The following STK31 variants were observed in gnomAD, a reference collection of about 807,000 sequenced individuals.
STK31 encodes serine/threonine-protein kinase 31.
In STK31, 89 loss-of-function variants were observed where a neutral mutation model predicts 129.7. That is an observed-to-expected ratio of 0.69 (90% CI 0.58 to 0.82). The LOEUF (loss-of-function observed/expected upper bound fraction) is 0.82, where lower values mean the gene tolerates loss of function less well. Among genes scored for constraint, STK31 ranks in the 40% least tolerant of loss-of-function variants. The pLI is 0.00. For synonymous variants in STK31, 448 were observed against 395.3 expected (o/e 1.13, Z -1.58); for missense variants, 1,187 against 1,176.4 (o/e 1.01, Z -0.13).
At chr7:23,791,044 A>T in intron 22 of STK31, 98 bp downstream of exon 22, 1 of 1,122,926 alleles carries the variant, frequency 8.9e-7, no homozygotes, top group Non-Finnish European at 1.1e-6. Flanking sequence ...AAAAAGCAGC[A>T]GACTTTTAGT....
intron 22 of STK31, among the ~76,000 whole-genome samples, chr7:23,793,763 A>T (rs1365779546): frequency 6.6e-6 from 1 of 152,194 alleles, no homozygotes; most frequent in Non-Finnish European, 1.5e-5. Context: ...TGTACCTAGA[A>T]CTCATATATA....
chr7:23,818,900 C>A (rs1793624848), intron 23 of STK31, among the ~76,000 whole-genome samples: 1 of 152,214 alleles, frequency 6.6e-6, no homozygotes, highest in African/African-American at 2.4e-5. Flanking sequence ...TCTGGGATTA[C>A]AGGTGTGAGC....
At chr7:23,770,211 G>A (rs1438046833) in intron 13 of STK31, among the ~76,000 whole-genome samples, 2 of 152,072 alleles carry the variant, frequency 1.3e-5, no homozygotes, top group East Asian at 3.8e-4. Context: ...CAGTGTCAAG[G>A]TAAAAATTAG....
intron 14 of STK31, 56 bp from the exon 15 acceptor site, chr7:23,772,091 T>C (rs1790232326): frequency 1.5e-6 from 2 of 1,291,276 alleles, no homozygotes; most frequent in African/African-American, 3.0e-5. Context: ...AAATGATCAC[T>C]GTTCAATAAA....
At chr7:23,820,107 GA>G (rs1266359320) in intron 23 of STK31, among the ~76,000 whole-genome samples, 2 of 152,190 alleles carry the variant, frequency 1.3e-5, no homozygotes, top group African/African-American at 2.4e-5. Context: ...TTTCAGCTAT[GA>G]TTTTTTTCCT....
chr7:23,800,781 A>G (rs2128120326), intron 22 of STK31, among the ~76,000 whole-genome samples: 1 of 152,256 alleles, frequency 6.6e-6, no homozygotes, highest in South Asian at 2.1e-4. Context: ...ATATAAATAA[A>G]AATAATATCA....
At chr7:23,762,383 C>T (rs1329565728) in intron 10 of STK31, among the ~76,000 whole-genome samples, 2 of 152,056 alleles carry the variant, frequency 1.3e-5, no homozygotes, top group Admixed American at 6.6e-5. Flanking sequence ...ATATCTTTCA[C>T]ATATGTATTT....
intron 23 of STK31, among the ~76,000 whole-genome samples, chr7:23,819,629 G>C (rs1793681719): frequency 6.6e-6 from 1 of 152,160 alleles, no homozygotes. Flanking sequence ...TGGCCAGGCT[G>C]ATCTTAAACT....
chr7:23,721,955 T>C (rs1416258792), intron 4 of STK31, among the ~76,000 whole-genome samples: 1 of 152,200 alleles, frequency 6.6e-6, no homozygotes, highest in African/African-American at 2.4e-5. Flanking sequence ...CTACACTGTT[T>C]ATTCTAGTTA....
intron 5 of STK31, among the ~76,000 whole-genome samples, chr7:23,727,867 G>C (rs900492806): frequency 2.0e-5 from 3 of 151,770 alleles, no homozygotes; most frequent in African/African-American, 7.3e-5. Context: ...GCCTGCCTCA[G>C]ATCTTAATAA....
chr7:23,788,187 T>A, intron 21 of STK31, 58 bp downstream of exon 21: 1 of 1,446,162 alleles, frequency 6.9e-7, no homozygotes, highest in Non-Finnish European at 9.3e-7. Flanking sequence ...TATTAAGCAG[T>A]AGTTCAGCAC....
intron 22 of STK31, among the ~76,000 whole-genome samples, chr7:23,795,030 C>T (rs942726378): frequency 2.0e-5 from 3 of 152,200 alleles, no homozygotes; most frequent in Non-Finnish European, 2.9e-5. Context: ...AAACTCAAGC[C>T]AGCTGCAGGA....
intron 22 of STK31, among the ~76,000 whole-genome samples, chr7:23,806,901 G>GAAAA (rs34751124): frequency 0.12 from 9,074 of 75,680 alleles, 483 homozygotes; most frequent in Middle Eastern, 0.19. Context: ...CTCCGTCTCA[G>GAAAA]AAAAAAAAAA....
intron 22 of STK31, among the ~76,000 whole-genome samples, chr7:23,791,548 T>G (rs1418149524): frequency 6.6e-6 from 1 of 152,128 alleles, no homozygotes; most frequent in Non-Finnish European, 1.5e-5. Flanking sequence ...AAATTATCTG[T>G]ACACCAAACT....
chr7:23,795,615 G>A (rs1791904275), intron 22 of STK31, among the ~76,000 whole-genome samples: 1 of 152,216 alleles, frequency 6.6e-6, no homozygotes, highest in South Asian at 2.1e-4. Context: ...TGCCTGGAGA[G>A]GCAACAGACA....
intron 22 of STK31, among the ~76,000 whole-genome samples, chr7:23,792,893 G>A (rs942203628): frequency 5.3e-5 from 8 of 152,146 alleles, no homozygotes; most frequent in African/African-American, 1.4e-4. Context: ...GTGTAATGGC[G>A]TGTCTGTGGT....
rs1468935869 is a variant in STK31 at position 23,815,160 on chromosome 7, A to G, written c.2777A>G (p.Gln926Arg). 12 of 1,600,794 alleles carry G rather than the reference A, an allele frequency of 7.5e-6. No individual in the cohort carries two copies. The highest frequency in any genetic ancestry group is 5.2e-5 in the Admixed American group (3 of 58,008). Reference sequence around the variant, plus strand: ...CTTTCACAGCTTTCTGTTCAAAATCAGGAGTTTGAGATAAATAAAGATGGA... The same window carrying G: ...CTTTCACAGCTTTCTGTTCAAAATCGGGAGTTTGAGATAAATAAAGATGGA... The part of the protein sequence containing the change: ...CLLLWLSVQN[Q>R]EFEINKDGIP... The change falls in exon 23 of 24, where the codon CAG becomes CGG. Residue 926 changes from glutamine to arginine, a missense_variant. By Grantham distance (43) the Gln-to-Arg change is conservative. Transcript: ENST00000355870.
chr7:23,767,949 G>C (rs1029162275), intron 11 of STK31, among the ~76,000 whole-genome samples: 2 of 152,010 alleles, frequency 1.3e-5, no homozygotes, highest in African/African-American at 4.8e-5. Flanking sequence ...TCTAGGGTTT[G>C]ATTTCTGGAG....
chr7:23,796,211 G>T (rs1035569493), intron 22 of STK31, among the ~76,000 whole-genome samples: 3 of 152,176 alleles, frequency 2.0e-5, no homozygotes, highest in Non-Finnish European at 4.4e-5. Flanking sequence ...CTGTTCTCAT[G>T]ACTTTAGCCC....
Sources: gnomAD v4.1 joint callset for allele counts (sites outside exome capture counted in the v4.1 genomes callset) on GRCh38, gnomAD v4.1.1 for gene constraint, MANE v1.5 for transcripts, NCBI Gene and HGNC (gene_info 2026-07-23, HGNC 2026-07-21) for gene names.